Variants in TRPM3 observed in about 807,000 individuals in gnomAD.
TRPM3 encodes transient receptor potential cation channel subfamily M member 3.
TRPM3 carries 77 observed loss-of-function variants against 181.2 expected under a neutral mutation model. The ratio of observed to expected loss-of-function variants is 0.42; its 90% CI spans 0.35 to 0.51. TRPM3 has a LOEUF of 0.51. TRPM3 is among the 20% of genes least tolerant of loss of function. The probability of loss-of-function intolerance (pLI) is 0.01; values close to 1 mark genes in which losing one functional copy is unlikely to be tolerated. For missense variants in TRPM3, 1,759 were observed against 2,196.7 expected, an observed-to-expected ratio of 0.80 and a Z score of 3.98; for synonymous variants, 745 against 796.4, an observed-to-expected ratio of 0.94 and a Z score of 1.09.
At chr9:70,564,552 T>G (rs2050024133) in intron 22 of TRPM3, among the ~76,000 whole-genome samples, 1 of 152,148 alleles carries the variant, frequency 6.6e-6, no homozygotes, top group South Asian at 2.1e-4. Flanking sequence ...CCATGCATAT[T>G]TAGGGTATTA....
chr9:71,168,386 A>T (rs2076638352), intron 1 of TRPM3, among the ~76,000 whole-genome samples: 1 of 152,024 alleles, frequency 6.6e-6, no homozygotes, highest in African/African-American at 2.4e-5. Context: ...TTGGGTAGAA[A>T]GGAAGACAGT....
chr9:71,332,354 A>C (rs1369536770), intron 1 of TRPM3, among the ~76,000 whole-genome samples: 1 of 147,806 alleles, frequency 6.8e-6, no homozygotes, highest in Non-Finnish European at 1.5e-5. Flanking sequence ...AACTTAGTCT[A>C]GGTCAGTGGT....
At chr9:70,641,942 T>TA (rs1340043787) in intron 9 of TRPM3, among the ~76,000 whole-genome samples, 2 of 152,202 alleles carry the variant, frequency 1.3e-5, no homozygotes, top group African/African-American at 4.8e-5. Flanking sequence ...ATATCCAGTT[T>TA]ACATGGCTGG....
At chr9:71,297,174 A>G (rs1417407287) in intron 1 of TRPM3, among the ~76,000 whole-genome samples, 2 of 151,870 alleles carry the variant, frequency 1.3e-5, no homozygotes, top group African/African-American at 4.8e-5. Context: ...TTGTATTTTT[A>G]GTAGAGACCA....
At chr9:71,052,186 T>C (rs1445272374) in intron 1 of TRPM3, among the ~76,000 whole-genome samples, 1 of 152,154 alleles carries the variant, frequency 6.6e-6, no homozygotes, top group Non-Finnish European at 1.5e-5. Flanking sequence ...ATGATCTCAT[T>C]AAACCAAATA....
intron 9 of TRPM3, among the ~76,000 whole-genome samples, chr9:70,644,272 C>T (rs147913244): frequency 6.6e-6 from 1 of 152,124 alleles, no homozygotes; most frequent in Non-Finnish European, 1.5e-5. Context: ...CAGTGCCACT[C>T]CTAGGGTATG....
At chr9:70,835,041 A>C (rs971783561) in intron 5 of TRPM3, among the ~76,000 whole-genome samples, 2 of 152,116 alleles carry the variant, frequency 1.3e-5, no homozygotes, top group Admixed American at 6.5e-5. Flanking sequence ...TTGCTCTGTC[A>C]GTGCACATGA....
At chr9:71,140,278 AG>A (rs374705709) in intron 1 of TRPM3, among the ~76,000 whole-genome samples, 7 of 152,208 alleles carry the variant, frequency 4.6e-5, no homozygotes, top group African/African-American at 1.7e-4. Flanking sequence ...AGAGACTGAA[AG>A]ACAAAAAAAG....
At chr9:71,312,125 G>A (rs1031146154) in intron 1 of TRPM3, among the ~76,000 whole-genome samples, 2 of 152,092 alleles carry the variant, frequency 1.3e-5, no homozygotes, top group Non-Finnish European at 2.9e-5. Flanking sequence ...AAGAGAATGA[G>A]AAGACAAGAC....
At chr9:71,022,960 ACCAAAAGCAGAAC>A (rs1370239529) in intron 1 of TRPM3, among the ~76,000 whole-genome samples, 4 of 152,158 alleles carry the variant, frequency 2.6e-5, no homozygotes, top group African/African-American at 9.7e-5. Flanking sequence ...TAGCCTTGAA[ACCAAAAGCAGAAC>A]CCATAAAAGA....
intron 1 of TRPM3, among the ~76,000 whole-genome samples, chr9:71,107,741 GA>G (rs2070042549): frequency 1.3e-5 from 2 of 152,134 alleles, no homozygotes; most frequent in African/African-American, 4.8e-5. Context: ...TTATCCTTCA[GA>G]AAAACTTCAA....
At chr9:71,040,716 A>G (rs2058721034) in intron 1 of TRPM3, among the ~76,000 whole-genome samples, 1 of 152,176 alleles carries the variant, frequency 6.6e-6, no homozygotes, top group Non-Finnish European at 1.5e-5. Flanking sequence ...CAACTTAGGG[A>G]TGAAAACTGA....
At chr9:71,211,364 T>G (rs911686810) in intron 1 of TRPM3, among the ~76,000 whole-genome samples, 69 of 151,712 alleles carry the variant, frequency 4.5e-4, no homozygotes, top group African/African-American at 1.5e-3. Context: ...TGATTGTGTT[T>G]TTTTTTTTTT....
chr9:70,691,521 T>C (rs940834893), intron 8 of TRPM3, among the ~76,000 whole-genome samples: 6 of 152,200 alleles, frequency 3.9e-5, no homozygotes, highest in Non-Finnish European at 7.3e-5. Context: ...GGGATCATCG[T>C]GGATGAACAA....
At chr9:70,987,171 G>A (rs766267278) in intron 1 of TRPM3, among the ~76,000 whole-genome samples, 3 of 151,882 alleles carry the variant, frequency 2.0e-5, no homozygotes, top group Non-Finnish European at 4.4e-5. Context: ...GAAATCATAC[G>A]ACTCAGCAAA....
intron 1 of TRPM3, among the ~76,000 whole-genome samples, chr9:71,342,884 G>C (rs1277115877): frequency 1.3e-5 from 2 of 152,050 alleles, no homozygotes; most frequent in East Asian, 3.9e-4. Context: ...TTACTATTCA[G>C]TGATAAAAAG....
intron 1 of TRPM3, among the ~76,000 whole-genome samples, chr9:70,935,877 G>T (rs1483636625): frequency 6.6e-6 from 1 of 152,132 alleles, no homozygotes; most frequent in Non-Finnish European, 1.5e-5. Flanking sequence ...TCCCAAATTT[G>T]CTCTAGTCTG....
At chr9:71,097,583 T>C (rs2067546229) in intron 1 of TRPM3, among the ~76,000 whole-genome samples, 1 of 152,030 alleles carries the variant, frequency 6.6e-6, no homozygotes, top group Non-Finnish European at 1.5e-5. Context: ...CACCAGTGAA[T>C]TTCCTCTAAA....
intron 1 of TRPM3, among the ~76,000 whole-genome samples, chr9:71,404,390 T>C (rs1378529712): frequency 6.6e-6 from 1 of 152,242 alleles, no homozygotes; most frequent in Non-Finnish European, 1.5e-5. Context: ...TAGTATAACA[T>C]GGGAATCTTT....
Sources: gnomAD v4.1 joint callset for allele counts (sites outside exome capture counted in the v4.1 genomes callset) on GRCh38, gnomAD v4.1.1 for gene constraint, MANE v1.5 for transcripts, NCBI Gene and HGNC (gene_info 2026-07-23, HGNC 2026-07-21) for gene names.